The following TRAPPC9 variants were observed in gnomAD, a reference collection of about 807,000 sequenced individuals.
TRAPPC9 encodes the protein trafficking protein particle complex subunit 9.
In TRAPPC9, 83 loss-of-function variants were observed where a neutral mutation model predicts 124.0. The ratio of observed to expected loss-of-function variants is 0.67; its 90% CI spans 0.56 to 0.80. TRAPPC9 has a LOEUF of 0.80. Among genes scored for constraint, TRAPPC9 ranks in the 30% least tolerant of loss-of-function variants. TRAPPC9 has a pLI of 0.00. For synonymous variants in TRAPPC9, 638 were observed against 617.5 expected, an observed-to-expected ratio of 1.03 and a Z score of -0.49; for missense variants, 1,302 against 1,508.3, an observed-to-expected ratio of 0.86 and a Z score of 2.27.
At chr8:139,983,380 AT>A (rs1395441248) in intron 19 of TRAPPC9, among the ~76,000 whole-genome samples, 1 of 151,982 alleles carries the variant, frequency 6.6e-6, no homozygotes, top group Non-Finnish European at 1.5e-5. Context: ...CCATATTCTC[AT>A]CACCTCTCCA....
chr8:140,199,398 A>G (rs2062737869), intron 17 of TRAPPC9, among the ~76,000 whole-genome samples: 1 of 152,190 alleles, frequency 6.6e-6, no homozygotes, highest in Non-Finnish European at 1.5e-5. Context: ...TGTGAAATGC[A>G]TATTAACCAA....
intron 15 of TRAPPC9, among the ~76,000 whole-genome samples, chr8:140,270,471 T>C (rs1464687966): frequency 6.6e-6 from 1 of 152,202 alleles, no homozygotes; most frequent in African/African-American, 2.4e-5. Context: ...ACCTGCTATG[T>C]GCCAGGCCCT....
chr8:139,775,730 C>T (rs73362159), intron 21 of TRAPPC9, among the ~76,000 whole-genome samples: 5,510 of 152,312 alleles, frequency 0.036, 352 homozygotes, highest in African/African-American at 0.12. Flanking sequence ...GGCCACTTCC[C>T]TCTTTTCGTG....
At chr8:139,957,391 T>C (rs1671382506) in intron 19 of TRAPPC9, among the ~76,000 whole-genome samples, 1 of 152,174 alleles carries the variant, frequency 6.6e-6, no homozygotes, top group African/African-American at 2.4e-5. Flanking sequence ...CTTTTCTTTT[T>C]AAAATAAATG....
chr8:139,763,123 G>T (rs1432278760), intron 21 of TRAPPC9, among the ~76,000 whole-genome samples: 1 of 152,176 alleles, frequency 6.6e-6, no homozygotes, highest in Non-Finnish European at 1.5e-5. Flanking sequence ...CTAACCAGGT[G>T]CTAGATACAG....
At chr8:140,102,951 C>T (rs547449531) in intron 17 of TRAPPC9, among the ~76,000 whole-genome samples, 31 of 152,286 alleles carry the variant, frequency 2.0e-4, no homozygotes, top group African/African-American at 5.8e-4. Context: ...GTGTCTGAAG[C>T]GCCAGGATCA....
At chr8:140,051,576 C>CTTTTTTTTTT (rs1197128988) in intron 17 of TRAPPC9, among the ~76,000 whole-genome samples, 19 of 88,024 alleles carry the variant, frequency 2.2e-4, no homozygotes, top group African/African-American at 4.7e-4. Flanking sequence ...ATTGTTCATT[C>CTTTTTTTTTT]TTTTTTTTTT....
intron 4 of TRAPPC9, among the ~76,000 whole-genome samples, chr8:140,431,451 A>T (rs112926663): frequency 4.3e-4 from 66 of 152,208 alleles, no homozygotes; most frequent in African/African-American, 1.2e-3. Context: ...GTCTCAAAAA[A>T]AAAAATAAAA....
intron 17 of TRAPPC9, among the ~76,000 whole-genome samples, chr8:140,076,002 A>G (rs978768569): frequency 1.3e-5 from 2 of 152,224 alleles, no homozygotes; most frequent in Non-Finnish European, 2.9e-5. Context: ...AATAACAGCT[A>G]ACAGGAAGCC....
chr8:139,983,837 C>T (rs1181127918), intron 19 of TRAPPC9, among the ~76,000 whole-genome samples: 2 of 152,154 alleles, frequency 1.3e-5, no homozygotes, highest in Non-Finnish European at 1.5e-5. Context: ...AGCAGCAGGG[C>T]AGAGCCTGGA....
At chr8:140,011,082 G>A (rs4352828) in intron 18 of TRAPPC9, among the ~76,000 whole-genome samples, 76,313 of 151,652 alleles carry the variant, frequency 0.5, 19,359 homozygotes, top group Middle Eastern at 0.6. Flanking sequence ...GCTCAAGCCT[G>A]TAATACTGGC....
intron 21 of TRAPPC9, among the ~76,000 whole-genome samples, chr8:139,840,375 G>A (rs1455389401): frequency 6.6e-6 from 1 of 152,250 alleles, no homozygotes. Context: ...CTATGGATCA[G>A]GAGTGATCCT....
At chr8:139,814,097 G>C (rs899389476) in intron 21 of TRAPPC9, among the ~76,000 whole-genome samples, 1 of 152,202 alleles carries the variant, frequency 6.6e-6, no homozygotes, top group Non-Finnish European at 1.5e-5. Context: ...CTCTGAGCTC[G>C]AAGCCCGGCA....
intron 4 of TRAPPC9, among the ~76,000 whole-genome samples, chr8:140,428,584 G>A (rs1448145807): frequency 1.3e-5 from 2 of 152,142 alleles, no homozygotes; most frequent in African/African-American, 2.4e-5. Flanking sequence ...CCTGTAAAAT[G>A]AAGAGAGTGG....
intron 21 of TRAPPC9, among the ~76,000 whole-genome samples, chr8:139,843,628 G>A (rs150877120): frequency 3.1e-4 from 47 of 152,290 alleles, no homozygotes; most frequent in African/African-American, 1.1e-3. Context: ...AGGTAGAAAC[G>A]TCAGAACCAG....
At chr8:139,830,073 T>C (rs192575485) in intron 21 of TRAPPC9, among the ~76,000 whole-genome samples, 5 of 152,300 alleles carry the variant, frequency 3.3e-5, no homozygotes. Context: ...TAAGCTGAAG[T>C]TAGCTGGAAA....
chr8:139,924,775 G>A (rs958054123), intron 19 of TRAPPC9, among the ~76,000 whole-genome samples: 10 of 152,124 alleles, frequency 6.6e-5, no homozygotes, highest in Non-Finnish European at 1.5e-4. Context: ...TACCTATTTC[G>A]TCCACCTCCT....
At chr8:139,913,696 C>T (rs571898496) in intron 19 of TRAPPC9, among the ~76,000 whole-genome samples, 4 of 152,314 alleles carry the variant, frequency 2.6e-5, no homozygotes, top group South Asian at 2.1e-4. Context: ...CCAAAGGCCG[C>T]GTTCCTTTTC....
chr8:139,820,347 T>C (rs983750887), intron 21 of TRAPPC9, among the ~76,000 whole-genome samples: 2 of 151,856 alleles, frequency 1.3e-5, no homozygotes, highest in African/African-American at 4.8e-5. Flanking sequence ...TGCCTGGCTA[T>C]TTTTTGTATT....
Sources: gnomAD v4.1 joint callset for allele counts (sites outside exome capture counted in the v4.1 genomes callset) on GRCh38, gnomAD v4.1.1 for gene constraint, MANE v1.5 for transcripts, NCBI Gene and HGNC (gene_info 2026-07-23, HGNC 2026-07-21) for gene names.